AGBL4: variants seen among roughly 807,000 people sequenced by gnomAD.
AGBL4 encodes the protein cytosolic carboxypeptidase 6.
In AGBL4, 58 loss-of-function variants were observed where a neutral mutation model predicts 66.4. The observed-to-expected ratio is 0.87, with a 90% CI of 0.71 to 1.09. AGBL4 has a LOEUF of 1.09. Ranked by LOEUF, AGBL4 falls within the 50% of genes least tolerant of loss-of-function variation. The pLI is 0.00. For missense variants in AGBL4, 579 were observed against 631.0 expected, an observed-to-expected ratio of 0.92 and a Z score of 0.88; for synonymous variants, 234 against 222.9, an observed-to-expected ratio of 1.05 and a Z score of -0.44.
intron 3 of AGBL4, among the ~76,000 whole-genome samples, chr1:49,552,739 G>A (rs1047189372): frequency 1.2e-4 from 19 of 152,128 alleles, no homozygotes; most frequent in African/African-American, 4.6e-4. Flanking sequence ...TCTTACAGTC[G>A]ATTTGGAGCT....
intron 3 of AGBL4, among the ~76,000 whole-genome samples, chr1:49,572,503 T>C (rs1189237305): frequency 6.6e-6 from 1 of 152,242 alleles, no homozygotes; most frequent in Non-Finnish European, 1.5e-5. Context: ...TTTCAAACAA[T>C]CAATATTTCA....
intron 3 of AGBL4, among the ~76,000 whole-genome samples, chr1:49,686,026 C>T (rs1646781287): frequency 6.6e-6 from 1 of 151,862 alleles, no homozygotes; most frequent in Admixed American, 6.6e-5. Context: ...TTTTTATAGT[C>T]TTAGGTTGTA....
chr1:48,644,631 G>C (rs1486345567), intron 8 of AGBL4, among the ~76,000 whole-genome samples: 2 of 152,226 alleles, frequency 1.3e-5, no homozygotes, highest in Non-Finnish European at 2.9e-5. Context: ...ATGTGAGCAA[G>C]AGCAGGCTGG....
intron 1 of AGBL4, among the ~76,000 whole-genome samples, chr1:49,957,901 G>C (rs901734574): frequency 6.6e-6 from 1 of 151,860 alleles, no homozygotes; most frequent in African/African-American, 2.4e-5. Context: ...ATCCTGTCAT[G>C]ATGATGTTAG....
At chr1:49,200,208 T>C (rs1344042920) in intron 4 of AGBL4, among the ~76,000 whole-genome samples, 1 of 152,152 alleles carries the variant, frequency 6.6e-6, no homozygotes, top group Non-Finnish European at 1.5e-5. Flanking sequence ...TCTTCTCCTT[T>C]CCATGTTTTC....
chr1:48,688,799 CTT>C (rs202245188), intron 6 of AGBL4, among the ~76,000 whole-genome samples: 8 of 144,124 alleles, frequency 5.6e-5, no homozygotes, highest in Admixed American at 7.0e-5. Flanking sequence ...TTGCAAAGCT[CTT>C]TTTTTTTTTT....
At chr1:48,971,321 A>G (rs1484356813) in intron 5 of AGBL4, among the ~76,000 whole-genome samples, 1 of 152,098 alleles carries the variant, frequency 6.6e-6, no homozygotes, top group East Asian at 1.9e-4. Flanking sequence ...TGAGAATCCA[A>G]TGCCTGATGA....
chr1:49,948,464 A>T (rs1470499015), intron 1 of AGBL4, among the ~76,000 whole-genome samples: 1 of 99,772 alleles, frequency 1.0e-5, no homozygotes, highest in Non-Finnish European at 2.0e-5. Context: ...AATATAGATA[A>T]ATATATAAAT....
At chr1:48,598,904 A>C (rs562240804) in intron 9 of AGBL4, among the ~76,000 whole-genome samples, 1 of 152,300 alleles carries the variant, frequency 6.6e-6, no homozygotes, top group South Asian at 2.1e-4. Flanking sequence ...CTTAGCTTAA[A>C]ACACAAACAC....
chr1:48,969,081 CCTCCCTCCCTCT>C (rs1002354315), intron 5 of AGBL4, among the ~76,000 whole-genome samples: 2 of 147,754 alleles, frequency 1.4e-5, no homozygotes, highest in African/African-American at 5.0e-5. Flanking sequence ...TTTCTCCCTC[CCTCCCTCCCTCT>C]CTCCCTCCCT....
At chr1:49,544,075 A>G (rs924655069) in intron 3 of AGBL4, among the ~76,000 whole-genome samples, 3 of 152,132 alleles carry the variant, frequency 2.0e-5, no homozygotes, top group African/African-American at 7.2e-5. Flanking sequence ...CTCCATCTCT[A>G]CATACAATGA....
intron 1 of AGBL4, among the ~76,000 whole-genome samples, chr1:49,922,750 T>C (rs902903750): frequency 1.3e-5 from 2 of 151,998 alleles, no homozygotes; most frequent in Non-Finnish European, 2.9e-5. Flanking sequence ...GGAATACAAC[T>C]AACTAGGGAG....
intron 1 of AGBL4, among the ~76,000 whole-genome samples, chr1:49,937,456 C>G (rs990824117): frequency 6.6e-6 from 1 of 151,730 alleles, no homozygotes; most frequent in Non-Finnish European, 1.5e-5. Context: ...ACAAGGATAC[C>G]CAGGAATTGA....
chr1:49,977,071 TAATA>T (rs1658622272), intron 1 of AGBL4, among the ~76,000 whole-genome samples: 1 of 152,262 alleles, frequency 6.6e-6, no homozygotes, highest in Non-Finnish European at 1.5e-5. Flanking sequence ...CTTGTCTCTT[TAATA>T]GTTTTTTCAA....
intron 3 of AGBL4, among the ~76,000 whole-genome samples, chr1:49,652,971 C>A (rs1046156023): frequency 6.6e-6 from 1 of 152,106 alleles, no homozygotes; most frequent in Admixed American, 6.6e-5. Context: ...GGAAGCCAGA[C>A]CCCTTATTTA....
At chr1:49,015,510 C>T (rs1160102175) in intron 5 of AGBL4, among the ~76,000 whole-genome samples, 1 of 151,042 alleles carries the variant, frequency 6.6e-6, no homozygotes, top group Non-Finnish European at 1.5e-5. Flanking sequence ...GCAAGCTCCG[C>T]CTCCTGGGTT....
At chr1:49,402,277 T>C (rs1021050962) in intron 3 of AGBL4, among the ~76,000 whole-genome samples, 2 of 152,188 alleles carry the variant, frequency 1.3e-5, no homozygotes, top group African/African-American at 4.8e-5. Flanking sequence ...AGGTTGCTTG[T>C]TTGGAATATT....
chr1:49,601,603 A>G (rs758098967), intron 3 of AGBL4, among the ~76,000 whole-genome samples: 3 of 152,138 alleles, frequency 2.0e-5, no homozygotes, highest in Non-Finnish European at 2.9e-5. Flanking sequence ...GCAATGGGGA[A>G]AGGATTCCCT....
chr1:48,674,185 G>A (rs452939), intron 6 of AGBL4, among the ~76,000 whole-genome samples: 130,890 of 152,212 alleles, frequency 0.86, 56,557 homozygotes, highest in African/African-American at 0.91. Context: ...GCTCCTTGGG[G>A]GCATTAGCTC....
Sources: allele counts gnomAD v4.1 joint callset (sites outside exome capture counted in the v4.1 genomes callset), GRCh38; gene constraint gnomAD v4.1.1; transcripts MANE v1.5; gene names NCBI Gene and HGNC (gene_info 2026-07-23, HGNC 2026-07-21).